Variants in MKLN1 observed in about 807,000 individuals in gnomAD.
MKLN1 encodes muskelin 1.
In MKLN1, 18 loss-of-function variants were observed where a neutral mutation model predicts 99.0. The ratio of observed to expected loss-of-function variants is 0.18; its 90% CI spans 0.13 to 0.27. MKLN1 has a LOEUF of 0.27. Among genes scored for constraint, MKLN1 ranks in the 10% least tolerant of loss-of-function variants. The probability of loss-of-function intolerance (pLI) is 1.00; values close to 1 mark genes in which losing one functional copy is unlikely to be tolerated. For missense variants in MKLN1, 621 were observed against 875.9 expected (o/e 0.71, Z 3.67); for synonymous variants, 288 against 293.2 (o/e 0.98, Z 0.18).
chr7:131,408,156 T>G (rs1222437387), intron 6 of MKLN1, among the ~76,000 whole-genome samples: 1 of 152,162 alleles, frequency 6.6e-6, no homozygotes, highest in Non-Finnish European at 1.5e-5. Flanking sequence ...GAGCTAAGAT[T>G]TGAATTCAGG....
chr7:131,158,730 G>A (rs531732538), intron 2 of MKLN1, among the ~76,000 whole-genome samples: 12 of 152,242 alleles, frequency 7.9e-5, no homozygotes, highest in African/African-American at 2.6e-4. Context: ...TGGTAGAATA[G>A]AAAATGGTGC....
At chr7:131,260,522 A>G (rs1407639797) in intron 3 of MKLN1, among the ~76,000 whole-genome samples, 1 of 152,174 alleles carries the variant, frequency 6.6e-6, no homozygotes, top group Non-Finnish European at 1.5e-5. Flanking sequence ...AAAAATCAAT[A>G]CCATTAAAAT....
chr7:131,211,459 C>G (rs767484821), intron 3 of MKLN1, among the ~76,000 whole-genome samples: 6 of 152,172 alleles, frequency 3.9e-5, no homozygotes, highest in Non-Finnish European at 5.9e-5. Context: ...GTATTCTGCC[C>G]TTACTGAGAG....
intron 6 of MKLN1, among the ~76,000 whole-genome samples, chr7:131,400,516 AAAAT>A (rs201505146): frequency 7.4e-5 from 8 of 108,080 alleles, no homozygotes; most frequent in Non-Finnish European, 3.6e-5. Context: ...CAATAAAAAA[AAAAT>A]ATATATATAT....
chr7:131,456,995 C>T (rs572079184), intron 12 of MKLN1, among the ~76,000 whole-genome samples: 22 of 151,862 alleles, frequency 1.4e-4, no homozygotes, highest in African/African-American at 5.3e-4. Context: ...AACAGATGAA[C>T]GGCCAGGGGT....
chr7:131,472,890 G>A (rs1449351402), intron 16 of MKLN1, among the ~76,000 whole-genome samples: 1 of 144,698 alleles, frequency 6.9e-6, no homozygotes, highest in African/African-American at 2.6e-5. Flanking sequence ...GGAGCTTGCA[G>A]TGAGCTGAGA....
chr7:131,191,660 G>A (rs1796543155), intron 2 of MKLN1, among the ~76,000 whole-genome samples: 1 of 151,916 alleles, frequency 6.6e-6, no homozygotes, highest in African/African-American at 2.4e-5. Context: ...CTTCATTTCA[G>A]GGTGTTACCT....
chr7:131,422,409 G>A (rs897717963), intron 8 of MKLN1, among the ~76,000 whole-genome samples: 1 of 152,144 alleles, frequency 6.6e-6, no homozygotes, highest in Non-Finnish European at 1.5e-5. Context: ...TAGTTAGCCA[G>A]GCATGGTGAC....
At chr7:131,344,880 C>T (rs573946798) in intron 1 of MKLN1, among the ~76,000 whole-genome samples, 9 of 152,270 alleles carry the variant, frequency 5.9e-5, no homozygotes, top group Non-Finnish European at 1.3e-4. Context: ...TGGCTCACTG[C>T]AGCCTCCACC....
At chr7:131,250,027 C>A (rs548005821) in intron 3 of MKLN1, among the ~76,000 whole-genome samples, 1 of 152,098 alleles carries the variant, frequency 6.6e-6, no homozygotes, top group South Asian at 2.1e-4. Context: ...GCATGAAGTA[C>A]GAGGACCACT....
intron 2 of MKLN1, among the ~76,000 whole-genome samples, chr7:131,156,710 A>G (rs1231695458): frequency 6.6e-6 from 1 of 152,200 alleles, no homozygotes; most frequent in African/African-American, 2.4e-5. Flanking sequence ...GGTTAAGTGT[A>G]TTACATGCTT....
At chr7:131,414,495 TGTTACTTTTATGAG>T in intron 7 of MKLN1, 136 bp from the exon 8 acceptor site, 1 of 486,072 alleles carries the variant, frequency 2.1e-6, no homozygotes, top group Non-Finnish European at 3.7e-6. Context: ...TGAGTCATAC[TGTTACTTTTATGAG>T]TCCTTTTACT....
chr7:131,352,098 C>CT (rs1799737021), intron 1 of MKLN1, among the ~76,000 whole-genome samples: 2 of 152,228 alleles, frequency 1.3e-5, no homozygotes, highest in East Asian at 3.9e-4. Flanking sequence ...CTCCAGGTGT[C>CT]TAATTAATTT....
chr7:131,193,361 A>AATT (rs1168859697), intron 2 of MKLN1, among the ~76,000 whole-genome samples: 7 of 151,922 alleles, frequency 4.6e-5, no homozygotes, highest in Non-Finnish European at 1.0e-4. Context: ...CATTTTTAAA[A>AATT]ATTATTATTA....
intron 3 of MKLN1, among the ~76,000 whole-genome samples, chr7:131,307,580 T>C (rs1352268235): frequency 2.0e-5 from 3 of 152,218 alleles, no homozygotes; most frequent in African/African-American, 7.2e-5. Flanking sequence ...ATGCTCTGGA[T>C]GTGAGACATG....
At chr7:131,152,451 T>C (rs1584794159) in intron 2 of MKLN1, among the ~76,000 whole-genome samples, 1 of 152,162 alleles carries the variant, frequency 6.6e-6, no homozygotes, top group Non-Finnish European at 1.5e-5. Flanking sequence ...TTTTAAATTG[T>C]CTTACAAATT....
At chr7:131,270,435 T>G (rs112697937) in intron 3 of MKLN1, among the ~76,000 whole-genome samples, 5,697 of 152,210 alleles carry the variant, frequency 0.037, 373 homozygotes, top group African/African-American at 0.13. Context: ...TGGCCAGGCT[T>G]GTCTCGAACT....
At chr7:131,377,024 T>C (rs1022799708) in intron 2 of MKLN1, among the ~76,000 whole-genome samples, 6 of 152,198 alleles carry the variant, frequency 3.9e-5, no homozygotes, top group Admixed American at 6.5e-5. Context: ...CACTACCATA[T>C]AGTATTCCTG....
At chr7:131,170,781 T>G (rs1012117946) in intron 2 of MKLN1, among the ~76,000 whole-genome samples, 1 of 152,338 alleles carries the variant, frequency 6.6e-6, no homozygotes, top group African/African-American at 2.4e-5. Flanking sequence ...TTTATATTAA[T>G]AGAAATCCAC....
Sources: allele counts gnomAD v4.1 joint callset (sites outside exome capture counted in the v4.1 genomes callset), GRCh38; gene constraint gnomAD v4.1.1; transcripts MANE v1.5; gene names NCBI Gene and HGNC (gene_info 2026-07-23, HGNC 2026-07-21).